NPRL3: variants seen among roughly 807,000 people sequenced by gnomAD.
NPRL3 encodes GATOR1 complex protein NPRL3.
NPRL3 carries 23 observed loss-of-function variants against 57.2 expected under a neutral mutation model. The ratio of observed to expected loss-of-function variants is 0.40; its 90% CI spans 0.29 to 0.57. The LOEUF is 0.57. NPRL3 is among the 20% of genes least tolerant of loss of function. The probability of loss-of-function intolerance (pLI) is 0.42; values close to 1 mark genes in which losing one functional copy is unlikely to be tolerated. For missense variants in NPRL3, 691 were observed against 767.1 expected, an observed-to-expected ratio of 0.90 and a Z score of 1.17; for synonymous variants, 333 against 321.1, an observed-to-expected ratio of 1.04 and a Z score of -0.39.
chr16:129,242 G>A (rs918921159), intron 3 of NPRL3, among the ~76,000 whole-genome samples: 2 of 152,136 alleles, frequency 1.3e-5, no homozygotes, highest in African/African-American at 4.8e-5. Context: ...AGCCAGCCCT[G>A]CTCTAAGCTG....
Position 120,762 on chromosome 16 carries a change from C to A in NPRL3, c.189-1507G>T, listed in dbSNP as rs538385856. On this transcript the variant is annotated intron_variant, in intron 3 of 13. Transcript: ENST00000611875. ...CCTCAGCAGCCCACTGCAGGTCTCTCCTGCAGAGATGGAGGATTCAAGTGC... is the reference window on the plus strand; with the variant it reads ...CCTCAGCAGCCCACTGCAGGTCTCTACTGCAGAGATGGAGGATTCAAGTGC... 3.9e-4 allele frequency among the ~76,000 whole-genome samples: 60 copies of A among 152,280 alleles called. 2 individuals are homozygous for A. In the South Asian group the frequency reaches 0.011, roughly 27 times the overall value.
chr16:94,107 T>A (rs1278507811), intron 9 of NPRL3, among the ~76,000 whole-genome samples: 1 of 151,516 alleles, frequency 6.6e-6, no homozygotes, highest in African/African-American at 2.4e-5. Flanking sequence ...GTGGAGTCAC[T>A]CAGCATGCCA....
At position 117,318 on chromosome 16, in the gene NPRL3, C is replaced by T. The variant is rs575270246; in HGVS notation, c.376G>A (p.Val126Met). The T allele has an allele frequency of 6.2e-7, 1 of 1,611,784 alleles. No individual in the cohort carries two copies. Among genetic ancestry groups the T allele is most frequent in the African/African-American group, 1.3e-5 (1 of 75,026 alleles). The change falls in exon 5 of 14, where the codon GTG becomes ATG. Residue 126 changes from valine (V) to methionine (M), a missense_variant. Coordinates refer to ENST00000611875, the MANE Select transcript of NPRL3 (RefSeq NM_001077350.3). ...ACACTCACCCTCAGTGCAAACACCACATTAAAAAGAATCATAGTAGGTGCT... is the reference window on the plus strand; with the variant it reads ...ACACTCACCCTCAGTGCAAACACCATATTAAAAAGAATCATAGTAGGTGCT... ...REAPTMILFNVVFALRANADP... is the reference protein window; with the variant it reads ...REAPTMILFNMVFALRANADP...
intron 2 of NPRL3, among the ~76,000 whole-genome samples, chr16:133,789 A>G (rs1206931865): frequency 6.6e-6 from 1 of 152,188 alleles, no homozygotes; most frequent in Non-Finnish European, 1.5e-5. Flanking sequence ...AAGCCTAATC[A>G]TTTCTAGCTT....
At chr16:120,808 T>C (rs1276848452) in intron 3 of NPRL3, among the ~76,000 whole-genome samples, 1 of 152,168 alleles carries the variant, frequency 6.6e-6, no homozygotes, top group South Asian at 2.1e-4. Context: ...AGGCATAATA[T>C]GCTTTCTTCA....
intron 7 of NPRL3, among the ~76,000 whole-genome samples, chr16:107,582 G>A: frequency 8.1e-6 from 1 of 123,524 alleles, no homozygotes; most frequent in East Asian, 2.2e-4. Context: ...GCAACAGAAG[G>A]ATATTCCATC....
At chr16:100,709 C>T (rs1899246962) in intron 7 of NPRL3, among the ~76,000 whole-genome samples, 200 bp from the exon 8 acceptor site, 1 of 150,884 alleles carries the variant, frequency 6.6e-6, no homozygotes, top group African/African-American at 2.4e-5. Context: ...GTGGCTCATG[C>T]CTGTAATCCC....
At position 112,686 on chromosome 16, in the gene NPRL3, C is replaced by T; in HGVS notation, c.483G>A (p.Gln161=). The change falls in exon 6 of 14, where the codon CAG becomes CAA. Residue 161 remains glutamine, a synonymous_variant. Transcript: ENST00000611875. The part of the protein sequence containing the change: ...TVLQHEERRC[Q]YLTREAKLIL... ...TCAGCTTGGCCTCCCGGGTGAGGTACTGGCAGCGGCGCTCCTCGTGCTGCA... is the reference window on the plus strand; with the variant it reads ...TCAGCTTGGCCTCCCGGGTGAGGTATTGGCAGCGGCGCTCCTCGTGCTGCA... 2 of 1,609,984 alleles carry T rather than the reference C, an allele frequency of 1.2e-6. No homozygotes were observed. Among genetic ancestry groups the T allele is most frequent in the Non-Finnish European group, 8.5e-7 (1 of 1,178,212 alleles).
At position 86,761 on chromosome 16, in the gene NPRL3, C is replaced by T; in HGVS notation, c.1654G>A (p.Val552Met). The T allele has an allele frequency of 6.3e-7, 1 of 1,591,872 alleles. No homozygotes were observed. Among genetic ancestry groups the T allele is most frequent in the Non-Finnish European group, 8.5e-7 (1 of 1,170,226 alleles). The change falls in exon 14 of 14, where the codon GTG becomes ATG. Residue 552 changes from valine to methionine, a missense_variant. Transcript: ENST00000611875. ...ACAGGGTCCTCGTGGGTGGTCACCA[C>T]CAGCACGCTGCGGAACTTGTCAAAC... ...MLFDKFRSVLVVTTHEDPVIA... is the reference protein window; with the variant it reads ...MLFDKFRSVLMVTTHEDPVIA...
At chr16:112,500 G>T in intron 6 of NPRL3, 122 bp downstream of exon 6, 1 of 997,324 alleles carries the variant, frequency 1.0e-6, no homozygotes, top group Non-Finnish European at 1.3e-6. Context: ...TGTTGGGGTG[G>T]GTGAGGCCCC....
chr16:97,419 T>TA (rs1313056146), intron 9 of NPRL3, among the ~76,000 whole-genome samples: 6 of 150,056 alleles, frequency 4.0e-5, no homozygotes, highest in African/African-American at 1.5e-4. Context: ...TATTTTTTTT[T>TA]TTTTTTTTTT....
intron 3 of NPRL3, among the ~76,000 whole-genome samples, chr16:129,130 C>T (rs1282794730): frequency 6.6e-6 from 1 of 152,188 alleles, no homozygotes; most frequent in Non-Finnish European, 1.5e-5. Context: ...TGAAAATTAA[C>T]TGCAGGAATT....
At chr16:97,575 G>C (rs1596504887) in intron 9 of NPRL3, among the ~76,000 whole-genome samples, 1 of 152,160 alleles carries the variant, frequency 6.6e-6, no homozygotes, top group Non-Finnish European at 1.5e-5. Context: ...ACGAGGCTGA[G>C]GGGCCCTCCA....
intron 12 of NPRL3, 151 bp downstream of exon 12, chr16:89,562 G>A (rs1898665709): frequency 4.5e-6 from 3 of 660,310 alleles, no homozygotes; most frequent in South Asian, 4.9e-5. Flanking sequence ...GACAGGAGAG[G>A]TGTCTCCACG....
At chr16:121,136 G>C (rs1021220519) in intron 3 of NPRL3, among the ~76,000 whole-genome samples, 3 of 152,206 alleles carry the variant, frequency 2.0e-5, no homozygotes, top group Non-Finnish European at 2.9e-5. Flanking sequence ...TCAGGCACCA[G>C]TCCAGGGACC....
chr16:101,621 T>A (rs1213816690), intron 7 of NPRL3, among the ~76,000 whole-genome samples: 1 of 152,152 alleles, frequency 6.6e-6, no homozygotes, highest in Non-Finnish European at 1.5e-5. Context: ...TCCAGGCCTT[T>A]TCAGCATCAC....
Position 86,729 on chromosome 16 carries a change from G to A in NPRL3, c.1686C>T (p.Ala562=), listed in dbSNP as rs927325840. 4.5e-6 allele frequency: 7 copies of A among 1,565,286 alleles called. No homozygotes were observed. Among genetic ancestry groups the A allele is most frequent in the African/African-American group, 2.7e-5 (2 of 73,582 alleles). The part of the protein sequence containing the change: ...VVTTHEDPVI[A]VFQALLP ...CTCAGGGGAGCAGAGCCTGGAAGAC[G>A]GCAATGACAGGGTCCTCGTGGGTGG... Residue 562 remains alanine (A), a synonymous_variant, in exon 14 of 14, where the codon GCC becomes GCT. Coordinates refer to ENST00000611875, the MANE Select transcript of NPRL3 (RefSeq NM_001077350.3).
intron 5 of NPRL3, among the ~76,000 whole-genome samples, chr16:113,240 A>G (rs1013627858): frequency 1.3e-5 from 2 of 152,154 alleles, no homozygotes; most frequent in Admixed American, 1.3e-4. Context: ...ACCAGTCTAC[A>G]ATTTGTAAGA....
At chr16:107,065 T>C (rs1036736572) in intron 7 of NPRL3, among the ~76,000 whole-genome samples, 5 of 152,098 alleles carry the variant, frequency 3.3e-5, no homozygotes. Context: ...CCAAGACTGT[T>C]AGGGTGGGAG....
Sources: gnomAD v4.1 joint callset for allele counts (sites outside exome capture counted in the v4.1 genomes callset) on GRCh38, gnomAD v4.1.1 for gene constraint, MANE v1.5 for transcripts, NCBI Gene and HGNC (gene_info 2026-07-23, HGNC 2026-07-21) for gene names.